The following TMEM117 variants were observed in gnomAD, a reference collection of about 807,000 sequenced individuals.
TMEM117 encodes transmembrane protein 117.
In TMEM117, 27 loss-of-function variants were observed where a neutral mutation model predicts 52.4. That is an observed-to-expected ratio of 0.51 (90% confidence interval 0.38 to 0.71). The LOEUF is 0.71. Ranked by LOEUF, TMEM117 falls within the 30% of genes least tolerant of loss-of-function variation. The probability of loss-of-function intolerance (pLI) is 0.00; values close to 1 mark genes in which losing one functional copy is unlikely to be tolerated. For missense variants in TMEM117, 556 were observed against 630.5 expected, an observed-to-expected ratio of 0.88 and a Z score of 1.26; for synonymous variants, 215 against 206.3, an observed-to-expected ratio of 1.04 and a Z score of -0.36.
At chr12:44,393,918 A>G (rs967148829), downstream of TMEM117, among the ~76,000 whole-genome samples, 27 of 152,134 alleles carry the variant, frequency 1.8e-4, no homozygotes, top group African/African-American at 6.3e-4. Flanking sequence ...CTAGCACTGG[A>G]ATTTGTTTCT....
chr12:43,957,769 G>A (rs1190967747), intron 3 of TMEM117, among the ~76,000 whole-genome samples: 1 of 152,132 alleles, frequency 6.6e-6, no homozygotes, highest in Non-Finnish European at 1.5e-5. Flanking sequence ...AATTTTTATA[G>A]CATCCATAGT....
At chr12:44,280,494 T>C (rs958690315) in intron 5 of TMEM117, among the ~76,000 whole-genome samples, 2 of 152,162 alleles carry the variant, frequency 1.3e-5, no homozygotes, top group African/African-American at 4.8e-5. Flanking sequence ...TCCAATTTAA[T>C]CAGAACTCTC....
At chr12:44,040,112 T>C (rs138364667) in intron 3 of TMEM117, among the ~76,000 whole-genome samples, 66 of 152,266 alleles carry the variant, frequency 4.3e-4, no homozygotes, top group African/African-American at 1.2e-3. Flanking sequence ...TATCAAGTTA[T>C]TGACATGACA....
the TMEM117 span, chr12:43,804,652 G>A: frequency 1.1e-6 from 1 of 946,616 alleles, no homozygotes; most frequent in Non-Finnish European, 1.6e-6. Flanking sequence ...AAGTTAATTA[G>A]AATACAAAGA....
At chr12:44,209,142 T>A (rs1592607635) in intron 4 of TMEM117, among the ~76,000 whole-genome samples, 1 of 152,172 alleles carries the variant, frequency 6.6e-6, no homozygotes, top group Admixed American at 6.6e-5. Flanking sequence ...GCTGAAATTG[T>A]TGTATTTGGA....
the TMEM117 span, among the ~76,000 whole-genome samples, chr12:43,826,603 G>A: frequency 6.6e-6 from 1 of 152,208 alleles, no homozygotes; most frequent in African/African-American, 2.4e-5. Context: ...TGTAAATTGG[G>A]TTGCTGCCTA....
chr12:43,804,263 G>C, the TMEM117 span: 2 of 518,398 alleles, frequency 3.9e-6, no homozygotes, highest in Non-Finnish European at 7.3e-6. Context: ...AAGTAAAAGA[G>C]GAAGAAGTCA....
At chr12:43,978,375 G>T (rs986437581) in intron 3 of TMEM117, among the ~76,000 whole-genome samples, 1 of 152,186 alleles carries the variant, frequency 6.6e-6, no homozygotes, top group African/African-American at 2.4e-5. Context: ...AATAGAGTAA[G>T]CAGAGTCATT....
the TMEM117 span, among the ~76,000 whole-genome samples, chr12:43,814,070 T>G: frequency 6.6e-6 from 1 of 152,152 alleles, no homozygotes; most frequent in African/African-American, 2.4e-5. Context: ...CAGACCTTTC[T>G]GTTCTACAGC....
chr12:44,152,184 A>T (rs1288825652), intron 4 of TMEM117, among the ~76,000 whole-genome samples: 4 of 109,344 alleles, frequency 3.7e-5, no homozygotes, highest in Admixed American at 1.2e-4. Context: ...TTATATTTAT[A>T]AAATATATAT....
Position 44,211,391 on chromosome 12 carries a change from G to A in TMEM117, c.608+4G>A. ...ATGTTAGGATCACTTTATTCTGGTA[G>A]GAAATTGTTTCACTTATTTATTTCT... On this transcript the variant is annotated splice_donor_region_variant and intron_variant, in intron 5 of 7. Transcript: ENST00000266534. 6.3e-7 allele frequency: 1 copy of A among 1,591,926 alleles called. No homozygotes were observed.
At chr12:44,349,081 A>G (rs1388766434) in intron 6 of TMEM117, among the ~76,000 whole-genome samples, 1 of 152,018 alleles carries the variant, frequency 6.6e-6, no homozygotes, top group Non-Finnish European at 1.5e-5. Flanking sequence ...TAAATTTCTA[A>G]CAAAGATCCA....
chr12:43,884,296 G>A (rs996680966), intron 2 of TMEM117, among the ~76,000 whole-genome samples: 1 of 151,758 alleles, frequency 6.6e-6, no homozygotes, highest in Non-Finnish European at 1.5e-5. Context: ...TTGATATGTG[G>A]TAATATACTT....
chr12:44,162,266 C>T (rs1227042619), intron 4 of TMEM117, among the ~76,000 whole-genome samples: 2 of 152,048 alleles, frequency 1.3e-5, no homozygotes, highest in Non-Finnish European at 2.9e-5. Flanking sequence ...ACATAGTGTC[C>T]CTTCTTTAGG....
chr12:44,018,873 C>G (rs898347124), intron 3 of TMEM117, among the ~76,000 whole-genome samples: 2 of 152,046 alleles, frequency 1.3e-5, no homozygotes, highest in Non-Finnish European at 2.9e-5. Flanking sequence ...GCACACACCA[C>G]CACACCTAGC....
chr12:44,052,881 A>C (rs1236577890), intron 3 of TMEM117, among the ~76,000 whole-genome samples: 1 of 152,118 alleles, frequency 6.6e-6, no homozygotes, highest in Non-Finnish European at 1.5e-5. Flanking sequence ...AGTCTCTCTG[A>C]TATCCCTTTC....
chr12:43,808,333 A>G, the TMEM117 span, among the ~76,000 whole-genome samples: 1 of 152,164 alleles, frequency 6.6e-6, no homozygotes, highest in East Asian at 1.9e-4. Flanking sequence ...TCTAAGTCCA[A>G]GTTTAAAGTT....
At chr12:44,232,500 T>C (rs1360117739) in intron 5 of TMEM117, among the ~76,000 whole-genome samples, 1 of 151,508 alleles carries the variant, frequency 6.6e-6, no homozygotes, top group Non-Finnish European at 1.5e-5. Flanking sequence ...CATTTATTAT[T>C]GATATATGTT....
In TMEM117 at chr12:44,268,283, A is replaced by G. The variant is rs535690400; in HGVS notation, c.609-31297A>G. 1.5e-3 allele frequency among the ~76,000 whole-genome samples: 222 copies of G among 151,900 alleles called. 2 individuals carry two copies. Among genetic ancestry groups the G allele is most frequent in the African/African-American group, 5.0e-3 (209 of 41,418 alleles). On this transcript the variant is annotated intron_variant, in intron 5 of 7. Coordinates refer to ENST00000266534, the MANE Select transcript of TMEM117 (RefSeq NM_032256.3). Reference sequence around the variant, plus strand: ...CTCCCAAGTAGCTAGGACTGCAGACATGCACCGCCATGCCTGGCTAATTTT... The same window carrying G: ...CTCCCAAGTAGCTAGGACTGCAGACGTGCACCGCCATGCCTGGCTAATTTT...
Sources: allele counts gnomAD v4.1 joint callset (sites outside exome capture counted in the v4.1 genomes callset), GRCh38; gene constraint gnomAD v4.1.1; transcripts MANE v1.5; gene names NCBI Gene and HGNC (gene_info 2026-07-23, HGNC 2026-07-21).